CDK14: variants seen among roughly 807,000 people sequenced by gnomAD.
CDK14 encodes the protein cyclin dependent kinase 14.
A neutral mutation model predicts 60.7 loss-of-function variants in CDK14; 34 were observed. That is an observed-to-expected ratio of 0.56 (90% confidence interval 0.43 to 0.75). CDK14 has a LOEUF of 0.75. CDK14 is among the 30% of genes least tolerant of loss of function. CDK14 has a pLI of 0.00. For missense variants in CDK14, 482 were observed against 564.1 expected (o/e 0.85, Z 1.47); for synonymous variants, 197 against 203.7 (o/e 0.97, Z 0.28).
At chr7:91,153,611 C>G (rs570355066) in intron 14 of CDK14, among the ~76,000 whole-genome samples, 1 of 152,238 alleles carries the variant, frequency 6.6e-6, no homozygotes, top group African/African-American at 2.4e-5. Context: ...GCCATTTTCT[C>G]TGGCAAACTA....
At chr7:91,167,253 A>G (rs920228928) in intron 14 of CDK14, among the ~76,000 whole-genome samples, 4 of 152,206 alleles carry the variant, frequency 2.6e-5, no homozygotes, top group African/African-American at 9.7e-5. Flanking sequence ...TTCTTCATGG[A>G]CTTGTTTCCA....
rs573796224 is a variant in CDK14, at chr7:90,870,232, AAC to A, written c.639+6967_639+6968del. ...TGGAGGCCATTATCCTTAGCAAACTAACACAGGAATAGAAAACCAAATACTGC... is the reference window on the plus strand; with the variant it reads ...TGGAGGCCATTATCCTTAGCAAACTAACAGGAATAGAAAACCAAATACTGC... On this transcript the variant is annotated intron_variant, in intron 6 of 14. Transcript: ENST00000380050. Among the ~76,000 whole-genome samples, 310 of 152,314 alleles carry A rather than the reference AAC, an allele frequency of 2.0e-3. 13 individuals are homozygous for A. The highest frequency in any genetic ancestry group is 1.2e-3 in the Non-Finnish European group (81 of 68,024).
chr7:90,935,116 G>A (rs1793709081), intron 8 of CDK14, among the ~76,000 whole-genome samples: 3 of 152,150 alleles, frequency 2.0e-5, no homozygotes. Flanking sequence ...ACAAGAGTGG[G>A]CAAGAAAGAG....
At position 91,207,338 on chromosome 7, in the gene CDK14, A is replaced by G. The variant is rs1802935342; in HGVS notation, c.*202A>G. ...GCAATTTATTTAAAACCTTGCACGC[A>G]TTTGGATACCTTGTGATTTCCAAGA... On this transcript the variant is annotated 3_prime_UTR_variant, in exon 15 of 15. Transcript: ENST00000380050. The G allele has an allele frequency of 6.6e-6, 1 of 152,298 alleles. No homozygotes were observed. The highest frequency in any genetic ancestry group is 1.5e-5 in the Non-Finnish European group (1 of 68,044). 9.4% of individuals were successfully genotyped at this position (152,298 alleles called of 1,614,324 possible).
intron 10 of CDK14, among the ~76,000 whole-genome samples, chr7:90,994,659 A>T (rs976322355): frequency 6.6e-6 from 1 of 152,196 alleles, no homozygotes; most frequent in Non-Finnish European, 1.5e-5. Flanking sequence ...TACTCCTTAT[A>T]GCCATTATAT....
chr7:90,728,937 A>G (rs1433363329), intron 3 of CDK14, among the ~76,000 whole-genome samples: 2 of 151,910 alleles, frequency 1.3e-5, no homozygotes, highest in East Asian at 1.9e-4. Context: ...GACTTACCCA[A>G]TTTATTTTTT....
intron 14 of CDK14, among the ~76,000 whole-genome samples, chr7:91,135,489 G>GTTT (rs1800252486): frequency 6.6e-6 from 1 of 152,162 alleles, no homozygotes; most frequent in African/African-American, 2.4e-5. Context: ...GAGCCCGACA[G>GTTT]AGAAAAGATA....
At chr7:90,723,023 C>T (rs1802511345) in intron 2 of CDK14, among the ~76,000 whole-genome samples, 1 of 151,924 alleles carries the variant, frequency 6.6e-6, no homozygotes, top group Non-Finnish European at 1.5e-5. Flanking sequence ...TTGAATTTTC[C>T]CTGTTTTTAG....
intron 13 of CDK14, among the ~76,000 whole-genome samples, chr7:91,114,967 G>GT (rs1391868611): frequency 2.6e-5 from 4 of 152,136 alleles, no homozygotes; most frequent in Non-Finnish European, 4.4e-5. Context: ...ATATTTAGAA[G>GT]TTTTTTAAAT....
intron 12 of CDK14, among the ~76,000 whole-genome samples, chr7:91,109,641 CT>C (rs1799417452): frequency 6.6e-6 from 1 of 152,060 alleles, no homozygotes; most frequent in African/African-American, 2.4e-5. Flanking sequence ...ACTAAACTTT[CT>C]CCTTGAGAGA....
chr7:90,681,169 T>A (rs6957299), intron 2 of CDK14, among the ~76,000 whole-genome samples: 2 of 152,006 alleles, frequency 1.3e-5, no homozygotes, highest in African/African-American at 4.8e-5. Context: ...AACTACTTGG[T>A]ACACACGTTT....
intron 14 of CDK14, among the ~76,000 whole-genome samples, chr7:91,178,379 A>G (rs1222582943): frequency 2.9e-5 from 4 of 136,514 alleles, no homozygotes; most frequent in Admixed American, 7.7e-5. Context: ...CCTAGGCATT[A>G]CCATTCAGGA....
At chr7:90,629,186 T>G in intron 2 of CDK14, among the ~76,000 whole-genome samples, 1 of 152,162 alleles carries the variant, frequency 6.6e-6, no homozygotes, top group East Asian at 1.9e-4. Flanking sequence ...CATGGCAAAA[T>G]TATACAGCTG....
intron 5 of CDK14, among the ~76,000 whole-genome samples, chr7:90,804,313 T>A (rs1187418246): frequency 1.3e-5 from 2 of 152,200 alleles, no homozygotes; most frequent in Non-Finnish European, 2.9e-5. Context: ...CCAACATGAA[T>A]CTTTTACCTG....
At chr7:90,778,825 G>C (rs1415409538) in intron 4 of CDK14, among the ~76,000 whole-genome samples, 1 of 150,374 alleles carries the variant, frequency 6.7e-6, no homozygotes, top group African/African-American at 2.5e-5. Context: ...ATCCTTTCCT[G>C]TGGAATGTAA....
At chr7:90,675,687 G>A (rs1054052396) in intron 2 of CDK14, among the ~76,000 whole-genome samples, 1 of 152,102 alleles carries the variant, frequency 6.6e-6, no homozygotes, top group African/African-American at 2.4e-5. Flanking sequence ...ATATACAAAT[G>A]GGCTGCTTTC....
At chr7:90,845,938 A>G (rs17163284) in intron 5 of CDK14, among the ~76,000 whole-genome samples, 22,377 of 152,062 alleles carry the variant, frequency 0.15, 1,803 homozygotes, top group Middle Eastern at 0.25. Flanking sequence ...ACAGTAATCT[A>G]TTCTGTGTAT....
intron 8 of CDK14, among the ~76,000 whole-genome samples, chr7:90,950,647 G>A (rs184032844): frequency 2.0e-5 from 3 of 152,324 alleles, no homozygotes; most frequent in Admixed American, 2.0e-4. Flanking sequence ...AGAGGATGTA[G>A]TACTGGTTAG....
In CDK14 at chr7:91,010,099, T is replaced by C. The variant is rs1047008961; in HGVS notation, c.1041+25858T>C. ...AACTTTATTGAAAGTCAGTTGGCCA[T>C]GTGTGTATAAGTATTCATAGACTGT... On this transcript the variant is annotated intron_variant, in intron 10 of 14. Coordinates refer to ENST00000380050, the MANE Select transcript of CDK14 (RefSeq NM_001287135.2). 1.9e-4 allele frequency among the ~76,000 whole-genome samples: 29 copies of C among 152,148 alleles called. 2 individuals carry two copies. Among genetic ancestry groups the C allele is most frequent in the Non-Finnish European group, 4.4e-5 (3 of 67,968 alleles).
Sources: allele counts gnomAD v4.1 joint callset (sites outside exome capture counted in the v4.1 genomes callset), GRCh38; gene constraint gnomAD v4.1.1; transcripts MANE v1.5; gene names NCBI Gene and HGNC (gene_info 2026-07-23, HGNC 2026-07-21).